SPTBN1: variants seen among roughly 807,000 people sequenced by gnomAD.
The protein encoded by SPTBN1 is spectrin beta chain, non-erythrocytic 1.
A neutral mutation model predicts 266.4 loss-of-function variants in SPTBN1; 32 were observed. The observed-to-expected ratio is 0.12, with a 90% CI of 0.09 to 0.16. The LOEUF (loss-of-function observed/expected upper bound fraction) is 0.16. Ranked by LOEUF, SPTBN1 falls within the 10% of genes least tolerant of loss-of-function variation. SPTBN1 has a pLI of 1.00. For synonymous variants in SPTBN1, 1,336 were observed against 1,162.2 expected (o/e 1.15, Z -3.04); for missense variants, 2,296 against 3,067.1 (o/e 0.75, Z 5.94).
rs190692017 is a variant in SPTBN1 at position 54,655,018 on chromosome 2, A to G, written c.5823-52A>G. The G allele has an allele frequency of 3.8e-6, 6 of 1,567,416 alleles. No homozygotes were observed. The East Asian group carries it at 9.0e-5, about 24-fold the overall frequency. ...TAATTGTGTGTTTTAAAACCTACAC[A>G]TTTTTTGAAAAGCTTGATCTCCTAA... is the stretch of plus-strand genomic sequence containing the variant. On this transcript the variant is annotated intron_variant, in intron 27 of 35. Transcript: ENST00000356805.
chr2:54,662,628 G>GC (rs1324250699), intron 32 of SPTBN1: 1 of 152,186 alleles, frequency 6.6e-6, no homozygotes, highest in East Asian at 1.9e-4. Flanking sequence ...CTCACACCTG[G>GC]CTCAGGCCTT....
At chr2:54,633,474 G>T (rs981572769) in intron 17 of SPTBN1, among the ~76,000 whole-genome samples, 1 of 152,008 alleles carries the variant, frequency 6.6e-6, no homozygotes, top group East Asian at 1.9e-4. Context: ...CCCGGCTGGA[G>T]GCCAGTGGAC....
At chr2:54,657,711 G>C in intron 29 of SPTBN1, 139 bp from the exon 30 acceptor site, 1 of 984,424 alleles carries the variant, frequency 1.0e-6, no homozygotes. Context: ...ATTTACATTG[G>C]ACAGGGCTAA....
intron 3 of SPTBN1, among the ~76,000 whole-genome samples, chr2:54,600,273 A>T (rs1676407225): frequency 6.6e-6 from 1 of 152,198 alleles, no homozygotes; most frequent in Non-Finnish European, 1.5e-5. Context: ...ATGGAGCCAG[A>T]AAAGTATTCT....
chr2:54,619,656 C>T (rs932777021), intron 7 of SPTBN1, among the ~76,000 whole-genome samples: 1 of 147,568 alleles, frequency 6.8e-6, no homozygotes, highest in South Asian at 2.2e-4. Flanking sequence ...TACCTTCTCA[C>T]TTCTTTGAGT....
chr2:54,615,282 G>T (rs1488389993), intron 4 of SPTBN1, among the ~76,000 whole-genome samples: 2 of 152,164 alleles, frequency 1.3e-5, no homozygotes, highest in Non-Finnish European at 2.9e-5. Context: ...ATTGAATGGA[G>T]TGAAGGTAGT....
At chr2:54,490,314 C>T (rs538437254) in intron 1 of SPTBN1, among the ~76,000 whole-genome samples, 7 of 152,206 alleles carry the variant, frequency 4.6e-5, no homozygotes, top group South Asian at 2.1e-4. Flanking sequence ...TCAGGTGATC[C>T]GCTCGCTTCG....
At chr2:54,460,606 TA>T (rs1693315177) in intron 1 of SPTBN1, among the ~76,000 whole-genome samples, 1 of 152,266 alleles carries the variant, frequency 6.6e-6, no homozygotes, top group South Asian at 2.1e-4. Flanking sequence ...TCATCTGATA[TA>T]GTCAATGTCC....
rs1383247458 is a variant in SPTBN1, at chr2:54,654,960, A to G, written c.5823-110A>G. ...AGTGATTCAGACCTGAAAGACCATCAGTTTCTTTCAAGGCCATCAGTTTCT... is the reference window on the plus strand; with the variant it reads ...AGTGATTCAGACCTGAAAGACCATCGGTTTCTTTCAAGGCCATCAGTTTCT... On this transcript the variant is annotated intron_variant, in intron 27 of 35. Coordinates refer to ENST00000356805, the MANE Select transcript of SPTBN1 (RefSeq NM_003128.3). The G allele has an allele frequency of 6.4e-6, 4 of 625,028 alleles. No individual in the cohort carries two copies. In the African/African-American group the frequency reaches 7.0e-5, roughly 11 times the overall value. The allele number at this position is 625,028 out of a possible 1,614,324, so 38.7% of individuals were successfully genotyped here.
At chr2:54,613,161 C>T (rs1263622640) in intron 4 of SPTBN1, among the ~76,000 whole-genome samples, 2 of 152,160 alleles carry the variant, frequency 1.3e-5, no homozygotes, top group Admixed American at 1.3e-4. Context: ...GCTTCGTACT[C>T]ATGCGTTCCA....
chr2:54,560,999 T>G (rs974257408), intron 2 of SPTBN1, among the ~76,000 whole-genome samples: 2 of 152,266 alleles, frequency 1.3e-5, no homozygotes, highest in African/African-American at 2.4e-5. Context: ...GATTATCACA[T>G]ATTTTTGATA....
intron 2 of SPTBN1, among the ~76,000 whole-genome samples, chr2:54,568,349 CAAAAAAAAAA>C (rs888478845): frequency 5.2e-5 from 5 of 95,692 alleles, no homozygotes; most frequent in Admixed American, 4.5e-4. Flanking sequence ...GACTCTGTCT[CAAAAAAAAAA>C]AAAAAAAAAA....
chr2:54,473,366 T>C (rs906966381), intron 1 of SPTBN1, among the ~76,000 whole-genome samples: 1 of 152,246 alleles, frequency 6.6e-6, no homozygotes, highest in African/African-American at 2.4e-5. Context: ...GATGTATTGA[T>C]CTTTTCACTT....
In SPTBN1 at chr2:54,669,552, C is replaced by T. The variant is rs891816984; in HGVS notation, c.*983C>T. On this transcript the variant is annotated 3_prime_UTR_variant, in exon 36 of 36. Transcript: ENST00000356805. Reference sequence around the variant, plus strand: ...AAATGACATTGATAGGAATGAACTCCAGAGGCTGGGCCTGAACAGGGAGGT... The same window carrying T: ...AAATGACATTGATAGGAATGAACTCTAGAGGCTGGGCCTGAACAGGGAGGT... 1 of 152,636 alleles carries T rather than the reference C, an allele frequency of 6.6e-6. No homozygotes were observed. Among genetic ancestry groups the T allele is most frequent in the Non-Finnish European group, 1.5e-5 (1 of 68,046 alleles). 9.5% of individuals were successfully genotyped at this position (152,636 alleles called of 1,614,324 possible).
intron 7 of SPTBN1, among the ~76,000 whole-genome samples, chr2:54,619,662 T>C (rs1427625223): frequency 6.6e-6 from 1 of 152,222 alleles, no homozygotes; most frequent in East Asian, 1.9e-4. Flanking sequence ...CTCACTTCTT[T>C]GAGTTTTGTT....
At chr2:54,493,559 G>A (rs143435618) in intron 1 of SPTBN1, among the ~76,000 whole-genome samples, 2,018 of 152,072 alleles carry the variant, frequency 0.013, 31 homozygotes, top group Middle Eastern at 0.041. Context: ...GTATCACCAC[G>A]CCTGGCTAAT....
chr2:54,481,164 A>G (rs1573235418), intron 1 of SPTBN1, among the ~76,000 whole-genome samples: 1 of 152,102 alleles, frequency 6.6e-6, no homozygotes, highest in Non-Finnish European at 1.5e-5. Context: ...TGATGATGAT[A>G]ATAAAATCCT....
intron 29 of SPTBN1, 29 bp from the exon 30 acceptor site, chr2:54,657,821 C>T (rs752543836): frequency 1.4e-5 from 22 of 1,613,594 alleles, no homozygotes; most frequent in Non-Finnish European, 1.4e-5. Flanking sequence ...TCCTGGTCAA[C>T]GTGTACTAAC....
intron 4 of SPTBN1, among the ~76,000 whole-genome samples, chr2:54,614,840 G>A (rs964777386): frequency 9.2e-5 from 14 of 151,984 alleles, no homozygotes; most frequent in African/African-American, 3.4e-4. Flanking sequence ...TGGAGTGGAA[G>A]TCTCTAAGTT....
Sources: gnomAD v4.1 joint callset for allele counts (sites outside exome capture counted in the v4.1 genomes callset) on GRCh38, gnomAD v4.1.1 for gene constraint, MANE v1.5 for transcripts, NCBI Gene and HGNC (gene_info 2026-07-23, HGNC 2026-07-21) for gene names.